The following CAMK1D variants were observed in gnomAD, a reference collection of about 807,000 sequenced individuals.
CAMK1D encodes calcium/calmodulin dependent protein kinase ID.
In CAMK1D, 9 loss-of-function variants were observed where a neutral mutation model predicts 47.7. That is an observed-to-expected ratio of 0.19 (90% CI 0.11 to 0.33). CAMK1D has a LOEUF of 0.33. Ranked by LOEUF, CAMK1D falls within the 10% of genes least tolerant of loss-of-function variation. The probability of loss-of-function intolerance (pLI) is 1.00; values close to 1 mark genes in which losing one functional copy is unlikely to be tolerated. For missense variants in CAMK1D, 291 were observed against 488.7 expected, an observed-to-expected ratio of 0.60 and a Z score of 3.81; for synonymous variants, 184 against 184.9, an observed-to-expected ratio of 0.99 and a Z score of 0.04.
chr10:12,391,379 A>C (rs1190218963), intron 1 of CAMK1D, among the ~76,000 whole-genome samples: 1 of 152,168 alleles, frequency 6.6e-6, no homozygotes, highest in Non-Finnish European at 1.5e-5. Context: ...ACATCAAGCA[A>C]TCAATCTTAG....
chr10:12,663,066 A>G (rs1283225562), intron 2 of CAMK1D, among the ~76,000 whole-genome samples: 1 of 152,110 alleles, frequency 6.6e-6, no homozygotes, highest in Non-Finnish European at 1.5e-5. Flanking sequence ...GGTTCAAACG[A>G]TTGTCCTGCC....
At chr10:12,522,894 ACGGGGCGGCTGGCCGGG>A (rs1033988087) in intron 1 of CAMK1D, among the ~76,000 whole-genome samples, 2 of 86,722 alleles carry the variant, frequency 2.3e-5, no homozygotes, top group African/African-American at 4.9e-5. Flanking sequence ...TCCCTCCCGG[ACGGGGCGGCTGGCCGGG>A]CGGGGGCTGA....
At chr10:12,685,587 C>G (rs45491993) in intron 3 of CAMK1D, among the ~76,000 whole-genome samples, 1 of 152,108 alleles carries the variant, frequency 6.6e-6, no homozygotes, top group Non-Finnish European at 1.5e-5. Flanking sequence ...TATAAAGAGC[C>G]TGGGCTGTTC....
At chr10:12,597,011 G>A (rs1838165368) in intron 2 of CAMK1D, among the ~76,000 whole-genome samples, 1 of 152,084 alleles carries the variant, frequency 6.6e-6, no homozygotes, top group South Asian at 2.1e-4. Context: ...TATCTCTGGA[G>A]CTCAGGGTCT....
At chr10:12,622,231 C>A (rs1839021142) in intron 2 of CAMK1D, among the ~76,000 whole-genome samples, 1 of 152,062 alleles carries the variant, frequency 6.6e-6, no homozygotes. Context: ...GGTGGTGGGC[C>A]ATATTTTGTT....
chr10:12,688,723 C>T (rs895891604), intron 3 of CAMK1D, among the ~76,000 whole-genome samples: 7 of 152,198 alleles, frequency 4.6e-5, no homozygotes, highest in South Asian at 4.1e-4. Flanking sequence ...TCGCTCTTGT[C>T]GCCCAGGCTG....
chr10:12,746,330 C>G (rs1190817879), intron 3 of CAMK1D, among the ~76,000 whole-genome samples: 1 of 138,770 alleles, frequency 7.2e-6, no homozygotes, highest in African/African-American at 2.9e-5. Context: ...CGCCACTGCA[C>G]TCCAGCCTGG....
At chr10:12,482,313 G>A (rs1216408947) in intron 1 of CAMK1D, among the ~76,000 whole-genome samples, 2 of 152,150 alleles carry the variant, frequency 1.3e-5, no homozygotes, top group African/African-American at 2.4e-5. Flanking sequence ...GGCCCTTCCC[G>A]CAGGTCACCT....
intron 2 of CAMK1D, among the ~76,000 whole-genome samples, chr10:12,642,571 C>T (rs964857056): frequency 6.6e-6 from 1 of 152,184 alleles, no homozygotes; most frequent in African/African-American, 2.4e-5. Flanking sequence ...AGCTTGGATC[C>T]ACCCATGGAA....
intron 1 of CAMK1D, among the ~76,000 whole-genome samples, chr10:12,480,743 A>G (rs1834040310): frequency 6.6e-6 from 1 of 152,216 alleles, no homozygotes; most frequent in South Asian, 2.1e-4. Context: ...GCCTAGCCCC[A>G]GAGCCCATGC....
intron 1 of CAMK1D, among the ~76,000 whole-genome samples, chr10:12,511,408 C>T (rs964657616): frequency 2.0e-5 from 3 of 152,058 alleles, no homozygotes; most frequent in African/African-American, 7.2e-5. Flanking sequence ...TGAGACCAGC[C>T]TGGGCAACAC....
chr10:12,453,141 A>G (rs1833137382), intron 1 of CAMK1D, among the ~76,000 whole-genome samples: 1 of 151,634 alleles, frequency 6.6e-6, no homozygotes, highest in South Asian at 2.1e-4. Flanking sequence ...CTCAGTCCTC[A>G]AGACCCATCC....
At chr10:12,420,600 C>G (rs1224626537) in intron 1 of CAMK1D, among the ~76,000 whole-genome samples, 1 of 151,922 alleles carries the variant, frequency 6.6e-6, no homozygotes, top group Non-Finnish European at 1.5e-5. Context: ...GAATGTGCCC[C>G]CAAACTACTT....
intron 2 of CAMK1D, among the ~76,000 whole-genome samples, chr10:12,563,664 T>TGAGAGAGAGGGA (rs1564414370): frequency 1.2e-4 from 15 of 130,094 alleles, no homozygotes; most frequent in African/African-American, 4.0e-4. Flanking sequence ...GCGGAAGGTT[T>TGAGAGAGAGGGA]GAGAGAGAGA....
intron 3 of CAMK1D, among the ~76,000 whole-genome samples, chr10:12,684,660 T>A (rs957964292): frequency 3.3e-5 from 5 of 152,244 alleles, no homozygotes; most frequent in African/African-American, 1.2e-4. Context: ...TAGCCGTGGT[T>A]GGTAAAGACA....
intron 2 of CAMK1D, among the ~76,000 whole-genome samples, chr10:12,620,199 A>T (rs1269802293): frequency 2.1e-5 from 3 of 144,408 alleles, no homozygotes; most frequent in African/African-American, 2.5e-5. Context: ...AAAAAAAAAA[A>T]AAAAAAAAAA....
chr10:12,451,607 A>C (rs1833085405), intron 1 of CAMK1D, among the ~76,000 whole-genome samples: 1 of 152,192 alleles, frequency 6.6e-6, no homozygotes, highest in African/African-American at 2.4e-5. Context: ...GCACTTAATA[A>C]ATATTAATTG....
At chr10:12,605,528 C>T (rs942085561) in intron 2 of CAMK1D, among the ~76,000 whole-genome samples, 6 of 152,112 alleles carry the variant, frequency 3.9e-5, no homozygotes, top group Non-Finnish European at 5.9e-5. Context: ...CACTCAGGGG[C>T]CCACTCTGAC....
intron 2 of CAMK1D, among the ~76,000 whole-genome samples, chr10:12,616,760 G>A (rs567355871): frequency 2.6e-5 from 4 of 152,200 alleles, no homozygotes; most frequent in South Asian, 2.1e-4. Flanking sequence ...CTCGTGATCC[G>A]CCCGCCTCGG....
Sources: gnomAD v4.1 joint callset for allele counts (sites outside exome capture counted in the v4.1 genomes callset) on GRCh38, gnomAD v4.1.1 for gene constraint, MANE v1.5 for transcripts, NCBI Gene and HGNC (gene_info 2026-07-23, HGNC 2026-07-21) for gene names.